NIPAL2: variants seen among roughly 807,000 people sequenced by gnomAD.
NIPAL2 encodes NIPA-like protein 2.
In NIPAL2, 43 loss-of-function variants were observed where a neutral mutation model predicts 48.9. The observed-to-expected ratio is 0.88, with a 90% confidence interval of 0.69 to 1.13. NIPAL2 has a LOEUF of 1.13. Among genes scored for constraint, NIPAL2 ranks in the 50% most tolerant of loss-of-function variants. NIPAL2 has a pLI of 0.00. For synonymous variants in NIPAL2, 167 were observed against 174.6 expected (o/e 0.96, Z 0.34); for missense variants, 446 against 461.4 (o/e 0.97, Z 0.31).
intron 1 of NIPAL2, among the ~76,000 whole-genome samples, chr8:98,281,223 T>C (rs746136018): frequency 1.1e-4 from 17 of 152,122 alleles, no homozygotes; most frequent in Non-Finnish European, 1.8e-4. Flanking sequence ...CATTCAGTCA[T>C]GCATCCATTT....
intron 3 of NIPAL2, among the ~76,000 whole-genome samples, chr8:98,239,463 T>C (rs577406468): frequency 6.6e-6 from 1 of 152,326 alleles, no homozygotes; most frequent in African/African-American, 2.4e-5. Flanking sequence ...AAATGTTATA[T>C]GGGAAATAAT....
chr8:98,198,221 T>C (rs1008382175), intron 8 of NIPAL2, among the ~76,000 whole-genome samples: 2 of 152,182 alleles, frequency 1.3e-5, no homozygotes, highest in Non-Finnish European at 2.9e-5. Flanking sequence ...AGCAGTAATA[T>C]TTTGAAAGGA....
intron 1 of NIPAL2, among the ~76,000 whole-genome samples, chr8:98,278,664 C>T (rs1815623555): frequency 6.6e-6 from 1 of 152,166 alleles, no homozygotes; most frequent in African/African-American, 2.4e-5. Context: ...TCCTTGAAGG[C>T]AGAGCTGTGA....
intron 4 of NIPAL2, among the ~76,000 whole-genome samples, chr8:98,224,755 CTTTTTTT>C (rs371936351): frequency 0.034 from 4,242 of 123,760 alleles, 210 homozygotes; most frequent in African/African-American, 0.12. Flanking sequence ...TCTTTCTTTT[CTTTTTTT>C]TTTTTTTTTT....
chr8:98,247,584 C>T (rs1298445592), intron 3 of NIPAL2, among the ~76,000 whole-genome samples: 4 of 152,134 alleles, frequency 2.6e-5, no homozygotes, highest in Non-Finnish European at 5.9e-5. Context: ...ACAGATGGTC[C>T]CAGATTGTCC....
chr8:98,198,081 C>T (rs1044913535), intron 8 of NIPAL2, among the ~76,000 whole-genome samples: 1 of 152,200 alleles, frequency 6.6e-6, no homozygotes, highest in Non-Finnish European at 1.5e-5. Context: ...AATAATAAGA[C>T]TTGAAAGTCA....
chr8:98,281,194 C>T (rs1815810388), intron 1 of NIPAL2, among the ~76,000 whole-genome samples: 1 of 152,072 alleles, frequency 6.6e-6, no homozygotes, highest in African/African-American at 2.4e-5. Context: ...CTTCAGCAAG[C>T]TCACATCAGG....
rs192786277 is a variant in NIPAL2 at position 98,271,938 on chromosome 8, G to A, written c.136-17851C>T. Among the ~76,000 whole-genome samples, 534 of 151,260 alleles carry A rather than the reference G, an allele frequency of 3.5e-3. 3 individuals are homozygous for A. The highest frequency in any genetic ancestry group is 6.2e-3 in the Non-Finnish European group (422 of 67,840). ...AAATTTTATCAAAAGCTTATTCTAC[G>A]TCTATTGAGATGATCATGTCTGTTT... On this transcript the variant is annotated intron_variant, in intron 1 of 10. Coordinates refer to ENST00000430223, the MANE Select transcript of NIPAL2 (RefSeq NM_001321635.2).
At chr8:98,279,900 C>T (rs1221919323) in intron 1 of NIPAL2, among the ~76,000 whole-genome samples, 1 of 152,138 alleles carries the variant, frequency 6.6e-6, no homozygotes, top group Non-Finnish European at 1.5e-5. Context: ...CTGGCTTTTC[C>T]AGGATGTCTT....
Position 98,194,779 on chromosome 8 carries a change from G to T in NIPAL2, c.988C>A (p.Arg330=), listed in dbSNP as rs867046519. 7.0e-6 allele frequency: 11 copies of T among 1,571,908 alleles called. No individual in the cohort carries two copies. The highest frequency in any genetic ancestry group is 3.4e-4 in the Middle Eastern group (2 of 5,908). ...FLGVFLVTRN[R]EKEHLQQSYI... is the part of the protein sequence containing the mutation. ...GACTGTTGCAGATGTTCCTTTTCTC[G>T]ATTTCTTGTGACCAAAAATACACCA... Residue 330 remains arginine, a synonymous_variant, in exon 10 of 11, where the codon CGA becomes AGA. Transcript: ENST00000430223.
intron 7 of NIPAL2, 108 bp downstream of exon 7, chr8:98,205,003 G>T: frequency 8.2e-7 from 1 of 1,224,774 alleles, no homozygotes; most frequent in Non-Finnish European, 1.2e-6. Flanking sequence ...TTCACCCTTA[G>T]AAATCAGTTG....
rs367831792 is a variant in NIPAL2, at chr8:98,273,646, C to T, written c.136-19559G>A. On this transcript the variant is annotated intron_variant, in intron 1 of 10. Coordinates refer to ENST00000430223, the MANE Select transcript of NIPAL2 (RefSeq NM_001321635.2). The stretch of plus-strand genomic sequence containing the variant: ...GCTATTGCTATTTCAGTCTCTTCTC[C>T]CTCTCAGAGATACGTAATTTTCTGA... 9.9e-4 allele frequency among the ~76,000 whole-genome samples: 151 copies of T among 152,126 alleles called. 1 individual carries two copies. In the South Asian group the frequency reaches 0.03, roughly 30 times the overall value.
Position 98,260,017 on chromosome 8 carries a change from T to C in NIPAL2, c.136-5930A>G, listed in dbSNP as rs748533659. 7.2e-5 allele frequency among the ~76,000 whole-genome samples: 11 copies of C among 152,206 alleles called. No homozygotes were observed. In the South Asian group the frequency reaches 1.0e-3, roughly 14 times the overall value. On this transcript the variant is annotated intron_variant, in intron 1 of 10. Transcript: ENST00000430223. ...ACAACAAGAAATAATAGACTAAGGTTGACTAAGAAGGTGAGAGAGTGGAGT... is the reference window on the plus strand; with the variant it reads ...ACAACAAGAAATAATAGACTAAGGTCGACTAAGAAGGTGAGAGAGTGGAGT...
intron 1 of NIPAL2, among the ~76,000 whole-genome samples, chr8:98,269,157 A>G (rs550036699): frequency 6.6e-6 from 1 of 152,324 alleles, no homozygotes; most frequent in South Asian, 2.1e-4. Context: ...CTTCCAAGTC[A>G]ACCACGAGGG....
intron 5 of NIPAL2, among the ~76,000 whole-genome samples, chr8:98,221,073 C>G (rs1199121301): frequency 7.0e-6 from 1 of 143,878 alleles, no homozygotes; most frequent in African/African-American, 2.6e-5. Context: ...CCTCCCAGGT[C>G]CAAGTGATTC....
Position 98,190,313 on chromosome 8 carries a change from T to TGTTG in NIPAL2, c.*2664_*2665insCAAC, listed in dbSNP as rs969750679. 2 of 165,924 alleles carry TGTTG rather than the reference T, an allele frequency of 1.2e-5. No individual in the cohort carries two copies. Among genetic ancestry groups the TGTTG allele is most frequent in the African/African-American group, 4.8e-5 (2 of 41,588 alleles). The allele number at this position is 165,924 out of a possible 1,614,324, so 10.3% of individuals were successfully genotyped here. A position where few individuals can be genotyped will look rare whatever the true frequency, so the allele number is the denominator to read the frequency against. Reference sequence around the variant, plus strand: ...TATAGCTCACAGACTGGCCACTTGTTTTTGTTTGTTTGTTTGTTTGTTTGT... The same window carrying TGTTG: ...TATAGCTCACAGACTGGCCACTTGTTGTTGTTTGTTTGTTTGTTTGTTTGTTTGT... On this transcript the variant is annotated 3_prime_UTR_variant, in exon 11 of 11. Transcript: ENST00000430223.
At chr8:98,232,160 A>T (rs1812470591) in intron 4 of NIPAL2, among the ~76,000 whole-genome samples, 1 of 152,198 alleles carries the variant, frequency 6.6e-6, no homozygotes, top group Non-Finnish European at 1.5e-5. Flanking sequence ...GTGGGTTACG[A>T]CATCTCAGAT....
chr8:98,288,650 C>T (rs1816328332), intron 1 of NIPAL2, among the ~76,000 whole-genome samples: 1 of 150,984 alleles, frequency 6.6e-6, no homozygotes, highest in Admixed American at 6.6e-5. Flanking sequence ...AGTTTACAGT[C>T]CCACCAACAG....
At chr8:98,272,616 CTTT>C (rs1222984441) in intron 1 of NIPAL2, among the ~76,000 whole-genome samples, 6 of 140,450 alleles carry the variant, frequency 4.3e-5, no homozygotes, top group Admixed American at 7.2e-5. Context: ...TGTGTGCTAT[CTTT>C]TTTTTTTTTT....
Sources: gnomAD v4.1 joint callset for allele counts (sites outside exome capture counted in the v4.1 genomes callset) on GRCh38, gnomAD v4.1.1 for gene constraint, MANE v1.5 for transcripts, NCBI Gene and HGNC (gene_info 2026-07-23, HGNC 2026-07-21) for gene names.